Variants in IL17D observed in about 807,000 individuals in gnomAD.
The protein encoded by IL17D is interleukin 17D.
IL17D carries 10 observed loss-of-function variants against 5.7 expected under a neutral mutation model. That is an observed-to-expected ratio of 1.75 (90% CI 1.08 to 2.97). The LOEUF is 2.97. Ranked by LOEUF, IL17D falls within the 30% of genes most tolerant of loss-of-function variation. The pLI is 0.00. For missense variants in IL17D, 354 were observed against 292.7 expected (o/e 1.21, Z -1.53); for synonymous variants, 172 against 141.7 (o/e 1.21, Z -1.52).
chr13:20,720,879 C>CT (rs1408327606), intron 1 of IL17D, among the ~76,000 whole-genome samples: 1 of 139,592 alleles, frequency 7.2e-6, no homozygotes, highest in Non-Finnish European at 1.6e-5. Context: ...TCCCAACCCC[C>CT]CCCCCCCTCC....
chr13:20,707,984 C>T (rs1247228020), intron 1 of IL17D, among the ~76,000 whole-genome samples: 1 of 152,224 alleles, frequency 6.6e-6, no homozygotes. Context: ...ATGATCTTGG[C>T]AGACTACAAC....
chr13:20,703,140 G>T, upstream of IL17D: 1 of 284,014 alleles, frequency 3.5e-6, no homozygotes, highest in Non-Finnish European at 5.3e-6. Context: ...TCCTCCTCCT[G>T]CGTGGCGCAG....
chr13:20,702,701 A>C (rs2058554717), upstream of IL17D: 1 of 152,100 alleles, frequency 6.6e-6, no homozygotes. Flanking sequence ...ACTCTCCAAC[A>C]TCGTCGTCAT....
At chr13:20,706,807 G>T (rs2058595025) in intron 1 of IL17D, among the ~76,000 whole-genome samples, 1 of 152,206 alleles carries the variant, frequency 6.6e-6, no homozygotes, top group South Asian at 2.1e-4. Context: ...TTATGGATGA[G>T]AATGACACAC....
intron 1 of IL17D, 102 bp from the exon 2 acceptor site, chr13:20,721,534 G>A: frequency 3.1e-6 from 3 of 965,236 alleles, no homozygotes; most frequent in Non-Finnish European, 4.5e-6. Context: ...GCGGAGGACA[G>A]GACAGTCCCC....
intron 1 of IL17D, among the ~76,000 whole-genome samples, chr13:20,715,245 T>C (rs752524385): frequency 8.0e-5 from 11 of 137,074 alleles, no homozygotes; most frequent in South Asian, 2.8e-4. Flanking sequence ...TCTAGAGCAA[T>C]TGAATCAGAA....
chr13:20,712,578 A>G (rs1467094026), intron 1 of IL17D: 1 of 152,268 alleles, frequency 6.6e-6, no homozygotes, highest in Non-Finnish European at 1.5e-5. Context: ...TGACAGAGCA[A>G]AACTACGTCT....
Position 20,721,855 on chromosome 13 carries a change from C to A in IL17D, c.510C>A (p.Val170=), listed in dbSNP as rs372465901. 16 of 1,610,588 alleles carry A rather than the reference C, an allele frequency of 9.9e-6. No homozygotes were observed. The highest frequency in any genetic ancestry group is 1.4e-5 in the Non-Finnish European group (16 of 1,179,824). The stretch of plus-strand genomic sequence containing the variant: ...CCATCCCCGTGGGCTGCACCTGCGT[C>A]CCCGAGCCGGAGAAGGACGCAGACA... ...YVTIPVGCTC[V]PEPEKDADSI... Residue 170 remains valine (V), a synonymous_variant, in exon 2 of 2, where the codon GTC becomes GTA. Transcript: ENST00000682841.
intron 1 of IL17D, among the ~76,000 whole-genome samples, chr13:20,720,874 A>ACCCCCCCCCCCCCCCCCCCCCCCC (rs67735251): frequency 5.3e-5 from 4 of 75,746 alleles, no homozygotes; most frequent in African/African-American, 5.9e-5. Context: ...CTCCCTCCCA[A>ACCCCCCCCCCCCCCCCCCCCCCCC]CCCCCCCCCC....
chr13:20,712,598 A>G (rs565476612), intron 1 of IL17D: 19 of 151,520 alleles, frequency 1.3e-4, no homozygotes, highest in African/African-American at 4.4e-4. Flanking sequence ...TCAAAAACAA[A>G]CTCCCATTTA....
At chr13:20,704,607 C>G (rs1325180452) in intron 1 of IL17D, among the ~76,000 whole-genome samples, 1 of 151,950 alleles carries the variant, frequency 6.6e-6, no homozygotes, top group Non-Finnish European at 1.5e-5. Flanking sequence ...AAGGCCCACC[C>G]CCACCACCTC....
intron 1 of IL17D, among the ~76,000 whole-genome samples, chr13:20,710,827 A>G (rs1262962682): frequency 1.3e-5 from 2 of 152,082 alleles, no homozygotes; most frequent in African/African-American, 2.4e-5. Context: ...CCTCTGGACA[A>G]TTTAAGAAAC....
At position 20,722,740 on chromosome 13, in the gene IL17D, G is replaced by C. The variant is rs1030685559; in HGVS notation, c.*786G>C. On this transcript the variant is annotated 3_prime_UTR_variant, in exon 2 of 2. Transcript: ENST00000682841. ...AGATCTCAGATTTGGTTTTAGTCAT[G>C]AATACATAAACAGTCTCAAACTCGC... 7 of 152,332 alleles carry C rather than the reference G, an allele frequency of 4.6e-5. No individual in the cohort carries two copies. Among genetic ancestry groups the C allele is most frequent in the African/African-American group, 1.7e-4 (7 of 41,584 alleles). 9.4% of individuals were successfully genotyped at this position (152,332 alleles called of 1,614,324 possible). A position where few individuals can be genotyped will look rare whatever the true frequency, so the allele number is the denominator to read the frequency against.
chr13:20,710,317 G>A (rs895316686), intron 1 of IL17D, among the ~76,000 whole-genome samples: 12 of 151,918 alleles, frequency 7.9e-5, no homozygotes, highest in Non-Finnish European at 1.5e-4. Flanking sequence ...CATTTATGAT[G>A]AAACCCCAAA....
chr13:20,710,892 TAAAC>T (rs2141387311), intron 1 of IL17D, among the ~76,000 whole-genome samples: 1 of 152,026 alleles, frequency 6.6e-6, no homozygotes, highest in African/African-American at 2.4e-5. Flanking sequence ...AGTCGGGAGG[TAAAC>T]AAAGAAAAGG....
chr13:20,716,839 T>C lies in IL17D; in HGVS notation c.291-4797T>C, dbSNP rs1305755304. 1.3e-5 allele frequency among the ~76,000 whole-genome samples: 2 copies of C among 152,138 alleles called. No homozygotes were observed. The highest frequency in any genetic ancestry group is 3.9e-4 in the East Asian group (2 of 5,194). On this transcript the variant is annotated intron_variant, in intron 1 of 1. Transcript: ENST00000682841. The surrounding 1 kb of genome is among the most constrained non-coding windows in gnomAD (Gnocchi z 4.2). ...TCAACTGCTGTGAGATAAACAGTCA[T>C]CCTGAGCCCCTGCTGCTCTGAAATC...
chr13:20,708,843 CAAAAA>C (rs10644027), intron 1 of IL17D, among the ~76,000 whole-genome samples: 1 of 111,842 alleles, frequency 8.9e-6, no homozygotes, highest in African/African-American at 3.4e-5. Flanking sequence ...ACTAAAAATA[CAAAAA>C]AAAAAAAAAA....
rs530615978 is a variant in IL17D, at chr13:20,722,935, C to T, written c.*981C>T. On this transcript the variant is annotated 3_prime_UTR_variant, in exon 2 of 2. Coordinates refer to ENST00000682841, the MANE Select transcript of IL17D (RefSeq NM_001385224.1). ...CTGAATATGAGGACAAAGTGGGCCA[C>T]GTTAGCATCTGCAGAGATCAATCTG... 7.9e-5 allele frequency: 12 copies of T among 152,160 alleles called. No individual in the cohort carries two copies. The highest frequency in any genetic ancestry group is 2.1e-4 in the South Asian group (1 of 4,830). 9.4% of individuals were successfully genotyped at this position (152,160 alleles called of 1,614,324 possible). A position where few individuals can be genotyped will look rare whatever the true frequency, so the allele number is the denominator to read the frequency against.
At position 20,721,913 on chromosome 13, in the gene IL17D, A is replaced by G; in HGVS notation, c.568A>G (p.Lys190Glu). ...CTCCAGCATCGACAAACAGGGCGCCAAGCTCCTGCTGGGCCCCAACGACGC... is the reference window on the plus strand; with the variant it reads ...CTCCAGCATCGACAAACAGGGCGCCGAGCTCCTGCTGGGCCCCAACGACGC... ...INSSIDKQGA[K>E]LLLGPNDAPA... The change falls in exon 2 of 2, where the codon AAG becomes GAG. Residue 190 changes from lysine (K) to glutamate (E), a missense_variant. Coordinates refer to ENST00000682841, the MANE Select transcript of IL17D (RefSeq NM_001385224.1). 6.2e-7 allele frequency: 1 copy of G among 1,605,742 alleles called. No homozygotes were observed. Among genetic ancestry groups the G allele is most frequent in the Non-Finnish European group, 8.5e-7 (1 of 1,178,618 alleles).
Sources: allele counts gnomAD v4.1 joint callset (sites outside exome capture counted in the v4.1 genomes callset), GRCh38; gene constraint gnomAD v4.1.1; non-coding constraint Gnocchi (gnomAD v3.1); transcripts MANE v1.5; gene names NCBI Gene and HGNC (gene_info 2026-07-23, HGNC 2026-07-21).